WDR19: variants seen among roughly 807,000 people sequenced by gnomAD.
The protein encoded by WDR19 is WD repeat domain 19.
In WDR19, 121 loss-of-function variants were observed where a neutral mutation model predicts 180.0. The ratio of observed to expected loss-of-function variants is 0.67; its 90% CI spans 0.58 to 0.78. The LOEUF (loss-of-function observed/expected upper bound fraction) is 0.78, where lower values mean the gene tolerates loss of function less well. Among genes scored for constraint, WDR19 ranks in the 30% least tolerant of loss-of-function variants. The pLI, the probability that WDR19 is intolerant of heterozygous loss-of-function variation, is 0.00. For missense variants in WDR19, 1,450 were observed against 1,640.7 expected, an observed-to-expected ratio of 0.88 and a Z score of 2.01; for synonymous variants, 497 against 540.7, an observed-to-expected ratio of 0.92 and a Z score of 1.12.
At chr4:39,197,217 T>C (rs1726833427) in intron 5 of WDR19, among the ~76,000 whole-genome samples, 1 of 151,784 alleles carries the variant, frequency 6.6e-6, no homozygotes, top group Admixed American at 6.6e-5. Flanking sequence ...TCACTTGAGG[T>C]CAGGAGTTCG....
At chr4:39,195,369 A>C (rs528027814) in intron 5 of WDR19, among the ~76,000 whole-genome samples, 1 of 140,302 alleles carries the variant, frequency 7.1e-6, no homozygotes, top group South Asian at 2.3e-4. Flanking sequence ...TTCATCTCAA[A>C]AAAAAAAAAC....
intron 5 of WDR19, 155 bp downstream of exon 5, chr4:39,194,814 A>T: frequency 1.7e-6 from 1 of 590,932 alleles, no homozygotes; most frequent in African/African-American, 1.9e-5. Context: ...GCTAAACATG[A>T]AGATCCCTGT....
In WDR19 at chr4:39,257,441, T is replaced by G. The variant is rs921151380; in HGVS notation, c.3115-45T>G. The G allele has an allele frequency of 2.0e-6, 3 of 1,522,582 alleles. No individual in the cohort carries two copies. The African/African-American group carries it at 4.1e-5, about 21-fold the overall frequency. 94.3% of individuals were successfully genotyped at this position (1,522,582 alleles called of 1,614,324 possible). ...TGTGAAAGCTTTGTTTTCCCTAATG[T>G]GAAAACATTCTGAAAATTTTTAATT... On this transcript the variant is annotated intron_variant, in intron 27 of 36. Transcript: ENST00000399820.
chr4:39,222,983 T>C (rs1230894841), intron 14 of WDR19, among the ~76,000 whole-genome samples: 2 of 152,222 alleles, frequency 1.3e-5, no homozygotes, highest in African/African-American at 4.8e-5. Flanking sequence ...TATTTTGAGA[T>C]TGGCTTTTTT....
At chr4:39,284,417 C>T (rs144303146) in intron 36 of WDR19, among the ~76,000 whole-genome samples, 2 of 146,498 alleles carry the variant, frequency 1.4e-5, no homozygotes, top group East Asian at 4.0e-4. Flanking sequence ...TCGTTCACTG[C>T]AGCCTCAAAC....
chr4:39,228,095 G>A (rs1730463211), intron 15 of WDR19, 115 bp from the exon 16 acceptor site: 1 of 1,115,584 alleles, frequency 9.0e-7, no homozygotes, highest in East Asian at 2.5e-5. Context: ...GTGATGTTAG[G>A]TTGAATATGA....
Position 39,216,103 on chromosome 4 carries a change from C to G in WDR19, c.1142C>G (p.Pro381Arg), listed in dbSNP as rs755540447. 6.3e-7 allele frequency: 1 copy of G among 1,581,810 alleles called. No individual in the cohort carries two copies. The highest frequency in any genetic ancestry group is 1.8e-5 in the Admixed American group (1 of 55,430). ...TVANPVEGEL[P>R]ITVSVDVEPN... ...CTATTTTCTTTATTATAGGAGCTAC[C>G]AATCACAGTTTCTGTTGATGTGGAA... Residue 381 changes from proline (P) to arginine (R), a missense_variant, in exon 12 of 37, where the codon CCA (proline) becomes CGA (arginine). Coordinates refer to ENST00000399820, the MANE Select transcript of WDR19 (RefSeq NM_025132.4).
intron 33 of WDR19, 82 bp downstream of exon 33, chr4:39,275,040 A>C: frequency 1.3e-6 from 2 of 1,542,416 alleles, no homozygotes; most frequent in South Asian, 1.2e-5. Context: ...GTGCAAGCTC[A>C]ATAAGAAAAC....
chr4:39,241,026 C>G (rs1477114051), intron 21 of WDR19, among the ~76,000 whole-genome samples: 4 of 151,822 alleles, frequency 2.6e-5, no homozygotes, highest in Non-Finnish European at 4.4e-5. Flanking sequence ...TTCATTCTGC[C>G]GTTTCTTTCT....
At chr4:39,203,234 A>G (rs1163070650) in intron 6 of WDR19, among the ~76,000 whole-genome samples, 2 of 150,934 alleles carry the variant, frequency 1.3e-5, no homozygotes. Flanking sequence ...CAAAGTACTG[A>G]GATTACAGAT....
intron 10 of WDR19, among the ~76,000 whole-genome samples, chr4:39,215,633 T>C (rs1728989547): frequency 6.6e-6 from 1 of 152,160 alleles, no homozygotes; most frequent in Admixed American, 6.5e-5. Flanking sequence ...AACTGTACTT[T>C]CCCTTTGAGC....
At chr4:39,232,114 G>A in intron 18 of WDR19, 48 bp from the exon 19 acceptor site, 3 of 1,439,692 alleles carry the variant, frequency 2.1e-6, no homozygotes, top group South Asian at 2.5e-5. Flanking sequence ...AAAAAAAAAA[G>A]TTAAACTCTT....
chr4:39,274,778 C>G (rs1200464221), intron 32 of WDR19, 30 bp from the exon 33 acceptor site: 4 of 1,604,222 alleles, frequency 2.5e-6, no homozygotes, highest in Non-Finnish European at 8.5e-7. Context: ...AGACACTGTG[C>G]TGTTGCTGCT....
At chr4:39,184,059 G>A (rs1725257301) in intron 1 of WDR19, among the ~76,000 whole-genome samples, 1 of 152,130 alleles carries the variant, frequency 6.6e-6, no homozygotes, top group South Asian at 2.1e-4. Flanking sequence ...TATGTCCCAT[G>A]ATCATAGCCC....
chr4:39,280,376 A>AG (rs1405304876), intron 36 of WDR19, among the ~76,000 whole-genome samples: 1 of 152,162 alleles, frequency 6.6e-6, no homozygotes, highest in African/African-American at 2.4e-5. Flanking sequence ...AACCATTGCC[A>AG]GGCTGGGCAC....
At chr4:39,279,864 G>A (rs370269495) in intron 36 of WDR19, among the ~76,000 whole-genome samples, 9 of 151,860 alleles carry the variant, frequency 5.9e-5, no homozygotes, top group South Asian at 4.1e-4. Context: ...CACCACGCTC[G>A]GCTAACTTTT....
chr4:39,197,197 G>A (rs1726830131), intron 5 of WDR19, among the ~76,000 whole-genome samples: 1 of 152,124 alleles, frequency 6.6e-6, no homozygotes, highest in Non-Finnish European at 1.5e-5. Flanking sequence ...GGAAGGCCGA[G>A]GCAGGCGGGT....
rs375777724 is a variant in WDR19 at position 39,228,259 on chromosome 4, G to A, written c.1679G>A (p.Gly560Asp). 47 of 1,613,338 alleles carry A rather than the reference G, an allele frequency of 2.9e-5. No homozygotes were observed. Among genetic ancestry groups the A allele is most frequent in the Non-Finnish European group, 4.0e-5 (47 of 1,179,644 alleles). ...EIPDFSPTIKGVLWENWPMDK... is the reference protein window; with the variant it reads ...EIPDFSPTIKDVLWENWPMDK... ...CCAGATTTTTCACCAACCATTAAAG[G>A]TGTTCTTTGGGAAAACTGGCCAATG... The change falls in exon 16 of 37, where the codon GGT becomes GAT. Residue 560 changes from glycine to aspartate, a missense_variant. Transcript: ENST00000399820.
At chr4:39,217,299 T>A in intron 13 of WDR19, 59 bp downstream of exon 13, 1 of 1,328,074 alleles carries the variant, frequency 7.5e-7, no homozygotes, top group Non-Finnish European at 1.1e-6. Context: ...GCCTAATGTC[T>A]GATTATCAAG....
Sources: gnomAD v4.1 joint callset for allele counts (sites outside exome capture counted in the v4.1 genomes callset) on GRCh38, gnomAD v4.1.1 for gene constraint, MANE v1.5 for transcripts, NCBI Gene and HGNC (gene_info 2026-07-23, HGNC 2026-07-21) for gene names.